GPAT3: variants seen among roughly 807,000 people sequenced by gnomAD.
GPAT3 encodes the protein glycerol-3-phosphate acyltransferase 3, also known as 1-AGP acyltransferase 9.
A neutral mutation model predicts 58.8 loss-of-function variants in GPAT3; 53 were observed. The ratio of observed to expected loss-of-function variants is 0.90; its 90% CI spans 0.72 to 1.13. The LOEUF (loss-of-function observed/expected upper bound fraction) is 1.13, where lower values mean the gene tolerates loss of function less well. Ranked by LOEUF, GPAT3 falls within the 50% of genes most tolerant of loss-of-function variation. GPAT3 has a pLI of 0.00. For missense variants in GPAT3, 511 were observed against 527.6 expected (o/e 0.97, Z 0.31); for synonymous variants, 197 against 187.4 (o/e 1.05, Z -0.42).
At chr4:83,570,606 G>A (rs1303756451) in intron 2 of GPAT3, among the ~76,000 whole-genome samples, 17 of 151,330 alleles carry the variant, frequency 1.1e-4, no homozygotes, top group Admixed American at 9.2e-4. Context: ...CTGAGTAGCC[G>A]GCACTACAGA....
chr4:83,597,933 A>G, intron 9 of GPAT3, 118 bp from the exon 10 acceptor site: 1 of 1,217,394 alleles, frequency 8.2e-7, no homozygotes, highest in Non-Finnish European at 1.1e-6. Flanking sequence ...ATCAAGTGAA[A>G]TAACTTTTTT....
chr4:83,596,811 C>T, intron 7 of GPAT3, 47 bp from the exon 8 acceptor site: 1 of 1,458,416 alleles, frequency 6.9e-7, no homozygotes, highest in Non-Finnish European at 9.6e-7. Flanking sequence ...AGGACATCCA[C>T]CTCTCTCTTT....
At chr4:83,567,014 C>T (rs1725421673) in intron 2 of GPAT3, among the ~76,000 whole-genome samples, 1 of 152,142 alleles carries the variant, frequency 6.6e-6, no homozygotes, top group South Asian at 2.1e-4. Context: ...TAAGAATTCT[C>T]ATACTGTATA....
rs907560072 is a variant in GPAT3 at position 83,562,383 on chromosome 4, A to G, written c.208+17781A>G. Among the ~76,000 whole-genome samples the G allele has an allele frequency of 9.9e-5, 15 of 151,206 alleles. 1 individual carries two copies. The highest frequency in any genetic ancestry group is 3.2e-4 in the African/African-American group (13 of 41,108). ...CCAGGCTAGGAAATTCATTCCTTAG[A>G]GGAGGAGATCTCAAAGTTTTGAAAA... On this transcript the variant is annotated intron_variant, in intron 2 of 11. Transcript: ENST00000264409.
chr4:83,546,218 C>G (rs1435448279), intron 2 of GPAT3, among the ~76,000 whole-genome samples: 1 of 152,124 alleles, frequency 6.6e-6, no homozygotes, highest in Non-Finnish European at 1.5e-5. Flanking sequence ...CTACTGACCT[C>G]AAGCGATCCT....
At chr4:83,535,941 C>T (rs893249618), upstream of GPAT3, 4 of 985,574 alleles carry the variant, frequency 4.1e-6, no homozygotes, top group African/African-American at 7.0e-5. Flanking sequence ...CTGAAAGGAC[C>T]TTTGCTGAGT....
At chr4:83,574,624 A>ATTTTTTTTTTTTTTTTTTTTTTTTTTT (rs561972057) in intron 2 of GPAT3, among the ~76,000 whole-genome samples, 2 of 55,592 alleles carry the variant, frequency 3.6e-5, no homozygotes, top group Non-Finnish European at 7.0e-5. Flanking sequence ...AGTAAAATGA[A>ATTTTTTTTTTTTTTTTTTTTTTTTTTT]TTTTTTTTTT....
At chr4:83,577,086 A>G (rs1725848002) in intron 2 of GPAT3, among the ~76,000 whole-genome samples, 1 of 152,222 alleles carries the variant, frequency 6.6e-6, no homozygotes, top group Non-Finnish European at 1.5e-5. Flanking sequence ...CTTACATTGT[A>G]TTATTACTTC....
At chr4:83,541,927 T>G (rs1428886694) in intron 1 of GPAT3, among the ~76,000 whole-genome samples, 1 of 152,192 alleles carries the variant, frequency 6.6e-6, no homozygotes, top group Non-Finnish European at 1.5e-5. Flanking sequence ...TGTCCAAGTT[T>G]CCTCTTCTTA....
intron 11 of GPAT3, among the ~76,000 whole-genome samples, chr4:83,601,223 A>C (rs1472296472): frequency 6.6e-6 from 1 of 152,236 alleles, no homozygotes; most frequent in East Asian, 1.9e-4. Context: ...ATGAGAAAAA[A>C]TATTGAGTTT....
intron 2 of GPAT3, among the ~76,000 whole-genome samples, chr4:83,575,776 T>C (rs1725789779): frequency 1.3e-5 from 2 of 152,258 alleles, no homozygotes; most frequent in African/African-American, 2.4e-5. Context: ...AGAGCACTCA[T>C]AGTCTGGTAC....
At chr4:83,570,085 G>A (rs1725545735) in intron 2 of GPAT3, among the ~76,000 whole-genome samples, 1 of 152,176 alleles carries the variant, frequency 6.6e-6, no homozygotes, top group African/African-American at 2.4e-5. Flanking sequence ...TTACATATTT[G>A]GGATTCGTCA....
At position 83,598,032 on chromosome 4, in the gene GPAT3, G is replaced by A. The variant is rs1329054235; in HGVS notation, c.997-19G>A. 6.2e-7 allele frequency: 1 copy of A among 1,612,062 alleles called. No homozygotes were observed. Among genetic ancestry groups the A allele is most frequent in the Non-Finnish European group, 8.5e-7 (1 of 1,179,444 alleles). The stretch of plus-strand genomic sequence containing the variant: ...ACCACCCTTATTTCATAACTGAGAT[G>A]TATTTTCTTTTTTCTCAGTATAACC... On this transcript the variant is annotated intron_variant, in intron 9 of 11. Transcript: ENST00000264409.
intron 11 of GPAT3, among the ~76,000 whole-genome samples, chr4:83,603,002 G>A (rs995382436): frequency 6.6e-6 from 1 of 152,142 alleles, no homozygotes; most frequent in African/African-American, 2.4e-5. Context: ...CTAGAAGCCA[G>A]AACATTGCAT....
intron 1 of GPAT3, 141 bp from the exon 2 acceptor site, chr4:83,544,395 C>T (rs1578159270): frequency 2.5e-6 from 2 of 808,406 alleles, no homozygotes; most frequent in East Asian, 2.5e-5. Context: ...ATTGCTATAT[C>T]AGAGATTCCC....
At chr4:83,547,838 T>G (rs1206586303) in intron 2 of GPAT3, among the ~76,000 whole-genome samples, 1 of 149,016 alleles carries the variant, frequency 6.7e-6, no homozygotes, top group Non-Finnish European at 1.5e-5. Context: ...ACTTTCACCT[T>G]CCTCTTCTTC....
At chr4:83,562,488 AG>A (rs1725212570) in intron 2 of GPAT3, among the ~76,000 whole-genome samples, 1 of 151,550 alleles carries the variant, frequency 6.6e-6, no homozygotes, top group Admixed American at 6.6e-5. Flanking sequence ...AGTAGACAGG[AG>A]GCCATTCTGG....
chr4:83,582,047 A>G lies in GPAT3; in HGVS notation c.479+215A>G, dbSNP rs149611147. Among the ~76,000 whole-genome samples the G allele has an allele frequency of 2.7e-3, 406 of 152,296 alleles. 1 individual carries two copies. The highest frequency in any genetic ancestry group is 9.3e-3 in the African/African-American group (385 of 41,556). On this transcript the variant is annotated intron_variant, in intron 3 of 11. Transcript: ENST00000264409. ...AAGTTGTATATTCAGAATCCAATGT[A>G]TATCTTAGAATCTGGATCCACTTTG...
At chr4:83,580,311 T>C (rs1726060838) in intron 2 of GPAT3, among the ~76,000 whole-genome samples, 1 of 152,234 alleles carries the variant, frequency 6.6e-6, no homozygotes, top group African/African-American at 2.4e-5. Flanking sequence ...ACATTTTTTC[T>C]ATGTATATGT....
Sources: allele counts gnomAD v4.1 joint callset (sites outside exome capture counted in the v4.1 genomes callset), GRCh38; gene constraint gnomAD v4.1.1; transcripts MANE v1.5; gene names NCBI Gene and HGNC (gene_info 2026-07-23, HGNC 2026-07-21).